ADGRL3: variants seen among roughly 807,000 people sequenced by gnomAD.
ADGRL3 encodes the protein adhesion G protein-coupled receptor L3, also known as calcium-independent alpha-latrotoxin receptor 3.
Under a neutral mutation model 153.5 loss-of-function variants are expected in ADGRL3, and 62 were observed. The ratio of observed to expected loss-of-function variants is 0.40; its 90% CI spans 0.33 to 0.50. ADGRL3 has a LOEUF of 0.50. Ranked by LOEUF, ADGRL3 falls within the 20% of genes least tolerant of loss-of-function variation. The probability of loss-of-function intolerance (pLI) is 0.47; values close to 1 mark genes in which losing one functional copy is unlikely to be tolerated. For synonymous variants in ADGRL3, 710 were observed against 672.5 expected (o/e 1.06, Z -0.86); for missense variants, 1,641 against 1,859.4 (o/e 0.88, Z 2.16).
rs146825915 is a variant in ADGRL3, at chr4:61,318,274, A to G, written c.-239-64850A>G. Among the ~76,000 whole-genome samples, 30 of 151,952 alleles carry G rather than the reference A, an allele frequency of 2.0e-4. No homozygotes were observed. The East Asian group carries it at 5.8e-3, about 29-fold the overall frequency. ...ATATATAGGATAATATTATAAATGA[A>G]TGATTCTGGAAATAGTCTGCTTCAA... On this transcript the variant is annotated intron_variant, in intron 1 of 26. Coordinates refer to ENST00000683033, the MANE Select transcript of ADGRL3 (RefSeq NM_001387552.1).
rs116077235 is a variant in ADGRL3 at position 61,969,478 on chromosome 4, G to A, written c.2806-10085G>A. On this transcript the variant is annotated intron_variant, in intron 17 of 26. Coordinates refer to ENST00000683033, the MANE Select transcript of ADGRL3 (RefSeq NM_001387552.1). ...TCTCCCTAATCTAGATCCATGGATC[G>A]TTCTATGTATTTTTAAAGTAACACA... Among the ~76,000 whole-genome samples, 9 of 151,450 alleles carry A rather than the reference G, an allele frequency of 5.9e-5. No individual in the cohort carries two copies. The East Asian group carries it at 1.2e-3, about 20-fold the overall frequency.
chr4:61,885,584 C>A (rs780868571), intron 9 of ADGRL3, among the ~76,000 whole-genome samples: 6 of 152,276 alleles, frequency 3.9e-5, no homozygotes, highest in Non-Finnish European at 8.8e-5. Flanking sequence ...AAGTTCCCAG[C>A]AGGTCTGGAC....
chr4:61,374,704 C>A (rs1188868720), intron 1 of ADGRL3, among the ~76,000 whole-genome samples: 1 of 152,104 alleles, frequency 6.6e-6, no homozygotes, highest in East Asian at 1.9e-4. Context: ...CCCTTTCAGA[C>A]CTCCAGCCAG....
chr4:61,841,773 T>A (rs9990553), intron 9 of ADGRL3, among the ~76,000 whole-genome samples: 1 of 151,868 alleles, frequency 6.6e-6, no homozygotes, highest in Admixed American at 6.5e-5. Context: ...TCGTCTGTAC[T>A]TGGCTGGAGT....
intron 3 of ADGRL3, among the ~76,000 whole-genome samples, chr4:61,509,213 C>T (rs768020989): frequency 4.0e-5 from 6 of 150,040 alleles, no homozygotes; most frequent in East Asian, 2.0e-4. Flanking sequence ...CTGCAACCTC[C>T]GCCTCCCGGG....
At chr4:61,517,662 A>G in intron 4 of ADGRL3, 144 bp downstream of exon 4, 6 of 611,358 alleles carry the variant, frequency 9.8e-6, no homozygotes, top group South Asian at 7.6e-5. Flanking sequence ...CCACTTAGTG[A>G]TATCCTGGCC....
chr4:61,626,095 G>A (rs769364956), intron 5 of ADGRL3, among the ~76,000 whole-genome samples: 9 of 151,228 alleles, frequency 6.0e-5, no homozygotes, highest in East Asian at 3.9e-4. Flanking sequence ...AGAAAACCCC[G>A]GATAAAAATA....
At chr4:61,355,086 G>A (rs1053467641) in intron 1 of ADGRL3, among the ~76,000 whole-genome samples, 6 of 152,052 alleles carry the variant, frequency 3.9e-5, no homozygotes, top group African/African-American at 1.4e-4. Flanking sequence ...CTTATTCTAA[G>A]GCCAGTTCCT....
intron 5 of ADGRL3, among the ~76,000 whole-genome samples, chr4:61,588,626 A>G (rs1228367401): frequency 6.6e-6 from 1 of 152,012 alleles, no homozygotes; most frequent in Non-Finnish European, 1.5e-5. Flanking sequence ...TTAATAAGAA[A>G]TAAGATATTA....
At chr4:61,932,516 A>T (rs1453510377) in intron 13 of ADGRL3, among the ~76,000 whole-genome samples, 2 of 152,128 alleles carry the variant, frequency 1.3e-5, no homozygotes, top group Admixed American at 6.6e-5. Context: ...GTATCCAGGG[A>T]TAAATTGCAC....
Position 61,948,251 on chromosome 4 carries a change from T to C in ADGRL3, c.2780T>C (p.Val927Ala). 1.2e-6 allele frequency: 2 copies of C among 1,613,832 alleles called. No homozygotes were observed. Among genetic ancestry groups the C allele is most frequent in the Non-Finnish European group, 1.7e-6 (2 of 1,179,788 alleles). ...CSCNHLTNFAVLMAHVEVKHS... is the reference protein window; with the variant it reads ...CSCNHLTNFAALMAHVEVKHS... ...TGTAACCACCTAACAAATTTTGCAG[T>C]ACTGATGGCACATGTGGAAGTTAAG... Residue 927 changes from valine to alanine, a missense_variant, in exon 17 of 27, where the codon GTA becomes GCA. Val to Ala is a moderately conservative substitution (Grantham distance 64). Transcript: ENST00000683033.
chr4:61,652,760 C>A (rs2094306526), intron 5 of ADGRL3, among the ~76,000 whole-genome samples: 1 of 152,066 alleles, frequency 6.6e-6, no homozygotes, highest in African/African-American at 2.4e-5. Context: ...CCACTTTTTC[C>A]CCCTGTAAGA....
At chr4:61,780,093 A>C (rs2097197227) in intron 8 of ADGRL3, among the ~76,000 whole-genome samples, 1 of 152,216 alleles carries the variant, frequency 6.6e-6, no homozygotes, top group Admixed American at 6.5e-5. Context: ...TCTATTAAGA[A>C]GCTGTGGAGC....
intron 2 of ADGRL3, among the ~76,000 whole-genome samples, chr4:61,460,992 C>T (rs953561758): frequency 3.3e-5 from 5 of 152,118 alleles, no homozygotes; most frequent in Admixed American, 6.6e-5. Context: ...ATTGCTTGAG[C>T]CTGGGAGGCA....
intron 25 of ADGRL3, 37 bp from the exon 26 acceptor site, chr4:62,068,129 T>C: frequency 1.4e-6 from 2 of 1,474,394 alleles, no homozygotes; most frequent in Non-Finnish European, 1.8e-6. Flanking sequence ...AGCTTACTTG[T>C]TGTTTTTTCT....
chr4:61,482,206 G>T (rs540847751), intron 2 of ADGRL3, among the ~76,000 whole-genome samples: 2 of 152,106 alleles, frequency 1.3e-5, no homozygotes, highest in East Asian at 1.9e-4. Context: ...ATTGGCACAT[G>T]TGTACTTACT....
intron 9 of ADGRL3, among the ~76,000 whole-genome samples, chr4:61,881,263 A>G (rs1249075896): frequency 1.3e-5 from 2 of 152,252 alleles, no homozygotes; most frequent in Admixed American, 6.5e-5. Flanking sequence ...AGCATCTGCA[A>G]TAGATCAAAG....
chr4:61,671,133 G>GA (rs1248873297), intron 5 of ADGRL3, among the ~76,000 whole-genome samples: 1 of 151,992 alleles, frequency 6.6e-6, no homozygotes, highest in Non-Finnish European at 1.5e-5. Flanking sequence ...AAATTAGCAG[G>GA]AAAAAATAGG....
intron 3 of ADGRL3, among the ~76,000 whole-genome samples, chr4:61,516,852 T>C (rs954856593): frequency 2.0e-5 from 3 of 152,146 alleles, no homozygotes; most frequent in African/African-American, 7.2e-5. Context: ...AAGACACCTT[T>C]CTGGGACTTT....
Sources: allele counts gnomAD v4.1 joint callset (sites outside exome capture counted in the v4.1 genomes callset), GRCh38; gene constraint gnomAD v4.1.1; transcripts MANE v1.5; gene names NCBI Gene and HGNC (gene_info 2026-07-23, HGNC 2026-07-21).